GALNT13: variants seen among roughly 807,000 people sequenced by gnomAD.
The protein encoded by GALNT13 is UDP-GalNAc:polypeptide N-acetylgalactosaminyltransferase 13.
A neutral mutation model predicts 64.2 loss-of-function variants in GALNT13; 28 were observed. The ratio of observed to expected loss-of-function variants is 0.44; its 90% CI spans 0.32 to 0.60. GALNT13 has a LOEUF of 0.60. Ranked by LOEUF, GALNT13 falls within the 20% of genes least tolerant of loss-of-function variation. GALNT13 has a pLI of 0.05. For missense variants in GALNT13, 577 were observed against 669.8 expected, an observed-to-expected ratio of 0.86 and a Z score of 1.53; for synonymous variants, 214 against 224.6, an observed-to-expected ratio of 0.95 and a Z score of 0.42.
the GALNT13 span, among the ~76,000 whole-genome samples, chr2:153,457,960 A>G: frequency 6.6e-6 from 1 of 152,110 alleles, no homozygotes; most frequent in Non-Finnish European, 1.5e-5. Flanking sequence ...CATCCCCCAT[A>G]CAATCTATCT....
the GALNT13 span, among the ~76,000 whole-genome samples, chr2:153,748,319 G>C: frequency 1.3e-5 from 2 of 152,082 alleles, no homozygotes; most frequent in South Asian, 4.1e-4. Context: ...GGATTATATA[G>C]TAGATATAGT....
the GALNT13 span, among the ~76,000 whole-genome samples, chr2:153,779,911 C>T: frequency 6.6e-6 from 1 of 152,026 alleles, no homozygotes. Context: ...ACATTTTCTT[C>T]ACTGTTCAGC....
At chr2:153,107,279 G>A in the GALNT13 span, among the ~76,000 whole-genome samples, 1 of 152,260 alleles carries the variant, frequency 6.6e-6, no homozygotes, top group East Asian at 1.9e-4. Flanking sequence ...ATCAGATGTA[G>A]AGATTCAATT....
the GALNT13 span, among the ~76,000 whole-genome samples, chr2:153,567,763 A>T: frequency 6.6e-6 from 1 of 151,506 alleles, no homozygotes; most frequent in Non-Finnish European, 1.5e-5. Flanking sequence ...GATGGTTATG[A>T]AAACAGGTTA....
chr2:154,340,524 T>C (rs1695701690), intron 9 of GALNT13, among the ~76,000 whole-genome samples: 1 of 152,178 alleles, frequency 6.6e-6, no homozygotes, highest in Admixed American at 6.6e-5. Context: ...TTCATTTCTT[T>C]ATTATTCCGT....
chr2:154,439,968 A>G (rs1701202316), intron 12 of GALNT13, among the ~76,000 whole-genome samples: 1 of 152,112 alleles, frequency 6.6e-6, no homozygotes, highest in Non-Finnish European at 1.5e-5. Context: ...TTCAACTATT[A>G]TTTATTGGTA....
chr2:154,116,231 G>A (rs796891693), intron 3 of GALNT13, among the ~76,000 whole-genome samples: 19 of 152,260 alleles, frequency 1.2e-4, no homozygotes, highest in African/African-American at 3.1e-4. Context: ...CAAAGTCAGC[G>A]TTCCCAGCTT....
chr2:153,204,611 T>G, the GALNT13 span, among the ~76,000 whole-genome samples: 7 of 152,206 alleles, frequency 4.6e-5, no homozygotes, highest in Admixed American at 1.3e-4. Flanking sequence ...AAGGCCTTTT[T>G]CCTCCAAATT....
At chr2:153,140,808 T>A in the GALNT13 span, among the ~76,000 whole-genome samples, 1 of 152,078 alleles carries the variant, frequency 6.6e-6, no homozygotes, top group East Asian at 1.9e-4. Context: ...AGAAAGGGAA[T>A]AGCATTCATT....
chr2:153,993,181 C>T (rs1039788360), intron 3 of GALNT13, among the ~76,000 whole-genome samples: 1 of 151,886 alleles, frequency 6.6e-6, no homozygotes, highest in Non-Finnish European at 1.5e-5. Flanking sequence ...AGATTAACAC[C>T]ATTTACAACT....
chr2:153,442,971 A>G, the GALNT13 span, among the ~76,000 whole-genome samples: 1 of 152,154 alleles, frequency 6.6e-6, no homozygotes, highest in African/African-American at 2.4e-5. Context: ...AGTGGATCTT[A>G]GCTTGCTGGG....
chr2:153,991,787 AT>A (rs893541270), intron 3 of GALNT13, among the ~76,000 whole-genome samples: 3 of 152,188 alleles, frequency 2.0e-5, no homozygotes, highest in East Asian at 1.9e-4. Flanking sequence ...AAATTGTTTA[AT>A]TTTTTTAACA....
chr2:153,378,924 A>C, the GALNT13 span, among the ~76,000 whole-genome samples: 2 of 152,118 alleles, frequency 1.3e-5, no homozygotes, highest in African/African-American at 2.4e-5. Flanking sequence ...TTTCTATTTC[A>C]TCTTTCAGAG....
At chr2:154,283,399 A>G (rs1172866515) in intron 8 of GALNT13, among the ~76,000 whole-genome samples, 1 of 152,004 alleles carries the variant, frequency 6.6e-6, no homozygotes, top group Admixed American at 6.6e-5. Context: ...TTCTTTATCA[A>G]TATTAATAGA....
the GALNT13 span, among the ~76,000 whole-genome samples, chr2:153,281,137 G>A: frequency 6.6e-6 from 1 of 152,024 alleles, no homozygotes; most frequent in Non-Finnish European, 1.5e-5. Flanking sequence ...CTTTTATACT[G>A]TTGTTGGTTT....
chr2:153,812,745 CT>C, the GALNT13 span, among the ~76,000 whole-genome samples: 4 of 152,114 alleles, frequency 2.6e-5, no homozygotes, highest in African/African-American at 9.7e-5. Flanking sequence ...ATACCCAGAG[CT>C]TTTCCAGCAC....
chr2:153,750,040 G>A, the GALNT13 span, among the ~76,000 whole-genome samples: 1 of 151,734 alleles, frequency 6.6e-6, no homozygotes, highest in Admixed American at 6.6e-5. Flanking sequence ...TATCATGAAA[G>A]GAAGTTGAAT....
chr2:153,368,983 C>G, the GALNT13 span, among the ~76,000 whole-genome samples: 1 of 151,376 alleles, frequency 6.6e-6, no homozygotes, highest in Non-Finnish European at 1.5e-5. Context: ...ATTATTGGGC[C>G]ATAACAGAAT....
intron 4 of GALNT13, among the ~76,000 whole-genome samples, chr2:154,144,829 C>A (rs1683472166): frequency 6.6e-6 from 1 of 151,810 alleles, no homozygotes; most frequent in East Asian, 1.9e-4. Context: ...TCTGTAATAT[C>A]TATCCCTAGG....
Sources: gnomAD v4.1 joint callset for allele counts (sites outside exome capture counted in the v4.1 genomes callset) on GRCh38, gnomAD v4.1.1 for gene constraint, MANE v1.5 for transcripts, NCBI Gene and HGNC (gene_info 2026-07-23, HGNC 2026-07-21) for gene names.